Variants in OSMR observed in about 807,000 individuals in gnomAD.
OSMR encodes the protein oncostatin-M-specific receptor subunit beta.
A neutral mutation model predicts 99.9 loss-of-function variants in OSMR; 81 were observed. The observed-to-expected ratio is 0.81, with a 90% CI of 0.68 to 0.97. OSMR has a LOEUF of 0.97. OSMR is among the 50% of genes least tolerant of loss of function. OSMR has a pLI of 0.00. For missense variants in OSMR, 1,099 were observed against 1,153.4 expected, an observed-to-expected ratio of 0.95 and a Z score of 0.68; for synonymous variants, 406 against 410.4, an observed-to-expected ratio of 0.99 and a Z score of 0.13.
In OSMR at chr5:38,934,994, C is replaced by G. The variant is rs1025978667; in HGVS notation, c.*1550C>G. ...GGGATTACAGGCATGCACCACCACA[C>G]CCAGGTAATTTTGTATCTTTAGTAG... is the stretch of plus-strand genomic sequence containing the variant. On this transcript the variant is annotated 3_prime_UTR_variant, in exon 18 of 18. Coordinates refer to ENST00000274276, the MANE Select transcript of OSMR (RefSeq NM_003999.3). 1 of 151,832 alleles carries G rather than the reference C, an allele frequency of 6.6e-6. No individual in the cohort carries two copies. The highest frequency in any genetic ancestry group is 6.6e-5 in the Admixed American group (1 of 15,230). 9.4% of individuals were successfully genotyped at this position (151,832 alleles called of 1,614,324 possible).
intron 1 of OSMR, among the ~76,000 whole-genome samples, chr5:38,854,405 C>T (rs1036563518): frequency 2.3e-4 from 35 of 152,226 alleles, no homozygotes; most frequent in African/African-American, 6.0e-4. Flanking sequence ...TGTTTTATTA[C>T]GCATGTGATA....
intron 1 of OSMR, among the ~76,000 whole-genome samples, chr5:38,852,943 G>T (rs920246420): frequency 6.6e-6 from 1 of 151,856 alleles, no homozygotes; most frequent in African/African-American, 2.4e-5. Context: ...GTGTTAGCCA[G>T]GATGGTCTCG....
rs1346175126 is a variant in OSMR, at chr5:38,918,884, T to C, written c.1407T>C (p.Asn469=). Residue 469 remains asparagine (N), a synonymous_variant, in exon 11 of 18, where the codon AAT becomes AAC. Coordinates refer to ENST00000274276, the MANE Select transcript of OSMR (RefSeq NM_003999.3). ...CCAATGGAAAGATCCTGTTCTATAA[T>C]GTAGTTGTAGAAAACCTAGACAAAC... is the stretch of plus-strand genomic sequence containing the variant. ...LHANGKILFY[N]VVVENLDKPS... is the part of the protein sequence containing the mutation. The C allele has an allele frequency of 1.2e-6, 2 of 1,613,912 alleles. No individual in the cohort carries two copies. Among genetic ancestry groups the C allele is most frequent in the Admixed American group, 1.7e-5 (1 of 60,032 alleles).
rs565811520 is a variant in OSMR at position 38,846,070 on chromosome 5, C to G, written c.-331C>G. ...GCACGTCCGCCCCGGAGCCCGCACC[C>G]GCGCCCCACGCGCCGCCGAGGACTC... On this transcript the variant is annotated 5_prime_UTR_variant, in exon 1 of 18. Coordinates refer to ENST00000274276, the MANE Select transcript of OSMR (RefSeq NM_003999.3). The G allele has an allele frequency of 5.2e-4, 79 of 152,622 alleles. No homozygotes were observed. The highest frequency in any genetic ancestry group is 1.7e-3 in the African/African-American group (70 of 41,572). 9.5% of individuals were successfully genotyped at this position (152,622 alleles called of 1,614,324 possible).
intron 3 of OSMR, among the ~76,000 whole-genome samples, chr5:38,880,641 G>A (rs535481758): frequency 6.6e-5 from 10 of 152,330 alleles, no homozygotes; most frequent in Admixed American, 2.0e-4. Flanking sequence ...ATACAGCAGG[G>A]AGTGGAAGAC....
At chr5:38,851,847 G>A (rs916999388) in intron 1 of OSMR, among the ~76,000 whole-genome samples, 7 of 152,064 alleles carry the variant, frequency 4.6e-5, no homozygotes, top group Admixed American at 2.6e-4. Context: ...TACTGTTCTC[G>A]TGGTAGAGAA....
chr5:38,903,949 G>T lies in OSMR; in HGVS notation c.1059G>T (p.Trp353Cys), dbSNP rs1343932584. 1 of 1,613,950 alleles carries T rather than the reference G, an allele frequency of 6.2e-7. No individual in the cohort carries two copies. Among genetic ancestry groups the T allele is most frequent in the East Asian group, 2.2e-5 (1 of 44,838 alleles). ...NVNATNAIMT[W>C]KVHSIRNNFT... The stretch of plus-strand genomic sequence containing the variant: ...ATGCCACAAATGCCATCATGACCTG[G>T]AAGGTGCACTCCATAAGGAATAATT... Residue 353 changes from tryptophan to cysteine, a missense_variant, in exon 8 of 18, where the codon TGG becomes TGT. Trp to Cys is a radical substitution (Grantham distance 215). Coordinates refer to ENST00000274276, the MANE Select transcript of OSMR (RefSeq NM_003999.3).
At chr5:38,937,527 T>G (rs1190445947), downstream of OSMR, among the ~76,000 whole-genome samples, 2 of 152,202 alleles carry the variant, frequency 1.3e-5, no homozygotes, top group Non-Finnish European at 2.9e-5. This position sits in a 1 kb window ranked among gnomAD's most constrained non-coding sequence, Gnocchi z 4.0. Flanking sequence ...GTTACTCTCT[T>G]TTGCCAGTAG....
intron 2 of OSMR, among the ~76,000 whole-genome samples, chr5:38,873,881 G>T (rs1346160609): frequency 6.6e-6 from 1 of 151,988 alleles, no homozygotes; most frequent in Non-Finnish European, 1.5e-5. Flanking sequence ...TTGCCCAGGT[G>T]GAGTGCAGTG....
At chr5:38,920,480 G>T (rs79005816) in intron 11 of OSMR, among the ~76,000 whole-genome samples, 4 of 152,142 alleles carry the variant, frequency 2.6e-5, no homozygotes, top group Non-Finnish European at 5.9e-5. Flanking sequence ...GAAAAATGTC[G>T]GCCTTAATAT....
intron 1 of OSMR, among the ~76,000 whole-genome samples, chr5:38,846,709 T>G (rs1027846186): frequency 6.6e-5 from 10 of 152,030 alleles, no homozygotes; most frequent in African/African-American, 2.2e-4. Context: ...GAGAGAGGAA[T>G]CCCCGGGCGA....
chr5:38,924,508 C>T lies in OSMR; in HGVS notation c.1957C>T (p.Gln653Ter), dbSNP rs778570517. The T allele has an allele frequency of 6.2e-7, 1 of 1,614,124 alleles. No individual in the cohort carries two copies. Among genetic ancestry groups the T allele is most frequent in the Non-Finnish European group, 8.5e-7 (1 of 1,179,948 alleles). ...LSWKDYSTES[Q>*]PGFIQGYHVY... ...TTGGAAAGATTACTCTACTGAATCTCAACCTGGTTTTATACAAGGGTACCA... is the reference window on the plus strand; with the variant it reads ...TTGGAAAGATTACTCTACTGAATCTTAACCTGGTTTTATACAAGGGTACCA... Residue 653 changes from glutamine to a stop codon, truncating the protein, a stop_gained, in exon 14 of 18, where the codon CAA (glutamine) becomes TAA (stop). Transcript: ENST00000274276. LOFTEE classifies it high-confidence loss of function.
chr5:38,848,677 T>C (rs1446576678), intron 1 of OSMR, among the ~76,000 whole-genome samples: 1 of 152,226 alleles, frequency 6.6e-6, no homozygotes. Context: ...ATGCAAATTA[T>C]CTTACTATAC....
chr5:38,895,628 G>A (rs1042492209), intron 7 of OSMR, among the ~76,000 whole-genome samples: 1 of 151,956 alleles, frequency 6.6e-6, no homozygotes, highest in Admixed American at 6.6e-5. Flanking sequence ...CCTTTGTTGT[G>A]CAGAAGCTTT....
intron 9 of OSMR, among the ~76,000 whole-genome samples, chr5:38,905,226 C>G (rs1001231347): frequency 2.6e-5 from 4 of 152,182 alleles, no homozygotes; most frequent in Non-Finnish European, 5.9e-5. Flanking sequence ...TGCAGTGGCT[C>G]ACACCTGTAA....
rs1346131055 is a variant in OSMR, at chr5:38,942,167, G to A, written c.75-2034G>A. On this transcript the variant is annotated intron_variant and NMD_transcript_variant, in intron 1 of 2. Coordinates refer to the OSMR transcript ENST00000508882. Reference sequence around the variant, plus strand: ...AAAGTCAGCAGTTCCAACTGTTCATGTACCAGTAACTGCGGAACAGTGTAC... The same window carrying A: ...AAAGTCAGCAGTTCCAACTGTTCATATACCAGTAACTGCGGAACAGTGTAC... The A allele has an allele frequency of 6.4e-6, 3 of 470,478 alleles. No homozygotes were observed. In the East Asian group the frequency reaches 1.0e-4, roughly 16 times the overall value. The allele number at this position is 470,478 out of a possible 1,614,324, so 29.1% of individuals were successfully genotyped here.
chr5:38,870,208 G>A (rs1429549647), intron 2 of OSMR, among the ~76,000 whole-genome samples: 1 of 152,098 alleles, frequency 6.6e-6, no homozygotes. Flanking sequence ...GGGGCTGAAA[G>A]GTGGGAATTA....
At position 38,925,239 on chromosome 5, in the gene OSMR, C is replaced by T; in HGVS notation, c.2080C>T (p.Pro694Ser). 2 of 1,613,758 alleles carry T rather than the reference C, an allele frequency of 1.2e-6. No homozygotes were observed. The highest frequency in any genetic ancestry group is 8.5e-7 in the Non-Finnish European group (1 of 1,179,884). Residue 694 changes from proline (P) to serine (S), a missense_variant, in exon 15 of 18, where the codon CCG becomes TCG. Coordinates refer to ENST00000274276, the MANE Select transcript of OSMR (RefSeq NM_003999.3). Reference protein sequence around the residue: ...SECCKYKIDNPEEKALIVDNL... With the variant: ...SECCKYKIDNSEEKALIVDNL... ...ATGTTGCAAATACAAAATTGACAAC[C>T]CGGAAGAAAAGGCATTGATTGTGGA...
chr5:38,853,022 C>T (rs1024392151), intron 1 of OSMR, among the ~76,000 whole-genome samples: 25 of 152,232 alleles, frequency 1.6e-4, no homozygotes, highest in Middle Eastern at 3.4e-3. Context: ...TGAGCCACCG[C>T]GCCCGGCCCT....
Sources: allele counts gnomAD v4.1 joint callset (sites outside exome capture counted in the v4.1 genomes callset), GRCh38; gene constraint gnomAD v4.1.1; non-coding constraint Gnocchi (gnomAD v3.1); transcripts MANE v1.5; gene names NCBI Gene and HGNC (gene_info 2026-07-23, HGNC 2026-07-21).